SENP2: variants seen among roughly 807,000 people sequenced by gnomAD.
The protein encoded by SENP2 is SUMO specific peptidase 2.
A neutral mutation model predicts 86.3 loss-of-function variants in SENP2; 16 were observed. The ratio of observed to expected loss-of-function variants is 0.19; its 90% CI spans 0.13 to 0.28. The LOEUF is 0.28. Ranked by LOEUF, SENP2 falls within the 10% of genes least tolerant of loss-of-function variation. The pLI, the probability that SENP2 is intolerant of heterozygous loss-of-function variation, is 1.00. For synonymous variants in SENP2, 222 were observed against 238.7 expected, an observed-to-expected ratio of 0.93 and a Z score of 0.64; for missense variants, 552 against 703.0, an observed-to-expected ratio of 0.79 and a Z score of 2.43.
At position 185,614,611 on chromosome 3, in the gene SENP2, C is replaced by T. The variant is rs1452440750; in HGVS notation, c.981C>T (p.Ala327=). The part of the protein sequence containing the change: ...LEPDLSEEVS[A]RLRLGSGSNG... ...CTGACCTATCAGAAGAAGTGTCGGC[C>T]CGACTCCGCCTGGGCAGTGGAAGCA... Residue 327 remains alanine (A), a synonymous_variant, in exon 11 of 17, where the codon GCC becomes GCT. Transcript: ENST00000296257. The T allele has an allele frequency of 6.2e-7, 1 of 1,614,136 alleles. No individual in the cohort carries two copies.
rs1399608226 is a variant in SENP2, at chr3:185,614,692, A to G, written c.1062A>G (p.Ser354=). Residue 354 remains serine, a synonymous_variant, in exon 11 of 17, where the codon TCA becomes TCG. Transcript: ENST00000296257. Reference sequence around the variant, plus strand: ...TTGAGACAAAGGAAAAGAATTGCTCAGGCAAAGAGAGGGACAGAAGAACGG... The same window carrying G: ...TTGAGACAAAGGAAAAGAATTGCTCGGGCAAAGAGAGGGACAGAAGAACGG... The part of the protein sequence containing the change: ...SIIETKEKNC[S]GKERDRRTDD... The G allele has an allele frequency of 1.9e-6, 3 of 1,614,246 alleles. No individual in the cohort carries two copies. Among genetic ancestry groups the G allele is most frequent in the Non-Finnish European group, 8.5e-7 (1 of 1,180,038 alleles).
chr3:185,595,261 T>G (rs1324241335), intron 2 of SENP2, among the ~76,000 whole-genome samples: 2 of 152,218 alleles, frequency 1.3e-5, no homozygotes, highest in Non-Finnish European at 2.9e-5. Flanking sequence ...ACCAAGAGGC[T>G]TCTTGTCCTC....
intron 4 of SENP2, among the ~76,000 whole-genome samples, chr3:185,600,294 G>C (rs532999667): frequency 1.3e-5 from 2 of 152,200 alleles, no homozygotes; most frequent in East Asian, 3.9e-4. Context: ...GAGAAGCCCA[G>C]GTATTCCTAG....
At chr3:185,612,492 A>G in intron 8 of SENP2, 115 bp from the exon 9 acceptor site, 1 of 702,486 alleles carries the variant, frequency 1.4e-6, no homozygotes, top group Non-Finnish European at 2.4e-6. Context: ...AATTCACTGT[A>G]GCATTTCAAT....
In SENP2 at chr3:185,630,057, A is replaced by G. The variant is rs545844698; in HGVS notation, c.*213A>G. The G allele has an allele frequency of 1.8e-6, 1 of 552,846 alleles. No individual in the cohort carries two copies. Among genetic ancestry groups the G allele is most frequent in the African/African-American group, 1.9e-5 (1 of 53,250 alleles). The allele number at this position is 552,846 out of a possible 1,614,324, so 34.2% of individuals were successfully genotyped here. A position where few individuals can be genotyped will look rare whatever the true frequency, so the allele number is the denominator to read the frequency against. On this transcript the variant is annotated 3_prime_UTR_variant, in exon 17 of 17. Coordinates refer to ENST00000296257, the MANE Select transcript of SENP2 (RefSeq NM_021627.3). The stretch of plus-strand genomic sequence containing the variant: ...CCTGTTTGTAAGGCTGTGCCTGCTC[A>G]GAGCTTTGGACTGTTCAACCCACAC...
intron 15 of SENP2, among the ~76,000 whole-genome samples, chr3:185,625,193 G>C (rs1298583552): frequency 2.6e-5 from 4 of 151,536 alleles, no homozygotes; most frequent in Admixed American, 6.6e-5. Context: ...CTCACTGCAA[G>C]CTCCGCCTCC....
At chr3:185,591,189 GCCA>G (rs925682442) in intron 2 of SENP2, among the ~76,000 whole-genome samples, 12 of 151,494 alleles carry the variant, frequency 7.9e-5, no homozygotes, top group African/African-American at 2.9e-4. Flanking sequence ...ACAGGCGTGA[GCCA>G]CCGCACCCAA....
chr3:185,610,774 G>A (rs543185110), intron 7 of SENP2, among the ~76,000 whole-genome samples: 1 of 150,572 alleles, frequency 6.6e-6, no homozygotes, highest in South Asian at 2.1e-4. Context: ...TGGCTAACAC[G>A]GTGAAACCCC....
chr3:185,621,466 T>A lies in SENP2; in HGVS notation c.1447-360T>A, dbSNP rs1291395779. Among the ~76,000 whole-genome samples the A allele has an allele frequency of 2.2e-5, 3 of 138,946 alleles. No individual in the cohort carries two copies. The Admixed American group carries it at 2.4e-4, about 11-fold the overall frequency. The allele number at this position is 138,946 out of a possible 152,430, so 91.2% of individuals were successfully genotyped here. ...GTGCAGTGACACAATCTCGGCTCAC[T>A]GCAACCTCTGCCTCCCGGGTTCAAG... is the stretch of plus-strand genomic sequence containing the variant. On this transcript the variant is annotated intron_variant, in intron 13 of 16. Coordinates refer to ENST00000296257, the MANE Select transcript of SENP2 (RefSeq NM_021627.3).
rs894270820 is a variant in SENP2, at chr3:185,612,482, A to C, written c.818-125A>C. 14 of 660,726 alleles carry C rather than the reference A, an allele frequency of 2.1e-5. No individual in the cohort carries two copies. In the African/African-American group the frequency reaches 2.6e-4, roughly 12 times the overall value. The allele number at this position is 660,726 out of a possible 1,614,324, so 40.9% of individuals were successfully genotyped here. On this transcript the variant is annotated intron_variant, in intron 8 of 16. Coordinates refer to ENST00000296257, the MANE Select transcript of SENP2 (RefSeq NM_021627.3). ...TATATAGGGAGGCTAGTGTCTTTGG[A>C]ATTCACTGTAGCATTTCAATGTAGA... is the stretch of plus-strand genomic sequence containing the variant.
At chr3:185,609,444 G>A in intron 7 of SENP2, 94 bp downstream of exon 7, 1 of 861,292 alleles carries the variant, frequency 1.2e-6, no homozygotes, top group Non-Finnish European at 1.9e-6. Flanking sequence ...ACTGAAAGAA[G>A]AGGTTAACCC....
chr3:185,619,841 C>T (rs1259902012), intron 13 of SENP2, among the ~76,000 whole-genome samples: 2 of 152,018 alleles, frequency 1.3e-5, no homozygotes, highest in Non-Finnish European at 2.9e-5. Flanking sequence ...GATCCTCCTG[C>T]CTCAGCCTCC....
rs1293533833 is a variant in SENP2 at position 185,586,482 on chromosome 3, C to T, written c.69C>T (p.Ala23=). 1 of 1,613,834 alleles carries T rather than the reference C, an allele frequency of 6.2e-7. No individual in the cohort carries two copies. The highest frequency in any genetic ancestry group is 8.5e-7 in the Non-Finnish European group (1 of 1,179,998). ...FRFCDRSVPP[A]RALLKRRRSD... ...TCTGCGACCGGTCGGTGCCCCCTGC[C>T]CGGGCCCTCCTGAAGAGGCGGCGCT... Residue 23 remains alanine (A), a synonymous_variant, in exon 1 of 17, where the codon GCC becomes GCT. Transcript: ENST00000296257. This position sits in a 1 kb window ranked among gnomAD's most constrained non-coding sequence, Gnocchi z 4.3.
chr3:185,625,554 A>C (rs1369112813), intron 15 of SENP2, among the ~76,000 whole-genome samples: 2 of 152,140 alleles, frequency 1.3e-5, no homozygotes, highest in Non-Finnish European at 2.9e-5. Flanking sequence ...AGATTAGGGC[A>C]ACACAGGCCT....
In SENP2 at chr3:185,590,110, T is replaced by C; in HGVS notation, c.102-4T>C. The C allele has an allele frequency of 2.0e-6, 3 of 1,499,868 alleles. No individual in the cohort carries two copies. Among genetic ancestry groups the C allele is most frequent in the Non-Finnish European group, 2.7e-6 (3 of 1,114,880 alleles). 92.9% of individuals were successfully genotyped at this position (1,499,868 alleles called of 1,614,324 possible). Reference sequence around the variant, plus strand: ...ATATATATTTTTTTCTTTCTCTTTTTCAGCACTCTGTTTTCTACAGTGGAC... The same window carrying C: ...ATATATATTTTTTTCTTTCTCTTTTCCAGCACTCTGTTTTCTACAGTGGAC... On this transcript the variant is annotated splice_region_variant and splice_polypyrimidine_tract_variant and intron_variant, in intron 1 of 16. Coordinates refer to ENST00000296257, the MANE Select transcript of SENP2 (RefSeq NM_021627.3).
intron 7 of SENP2, 72 bp downstream of exon 7, chr3:185,609,422 G>A (rs1722614609): frequency 9.1e-7 from 1 of 1,093,076 alleles, no homozygotes; most frequent in African/African-American, 1.6e-5. Flanking sequence ...AAGTATTGGT[G>A]GGAAGGGCTT....
chr3:185,622,122 G>C (rs1321131921), intron 14 of SENP2, among the ~76,000 whole-genome samples: 1 of 152,190 alleles, frequency 6.6e-6, no homozygotes, highest in East Asian at 1.9e-4. Context: ...ATGTAAAATA[G>C]ATCTTATTAG....
At position 185,586,356 on chromosome 3, in the gene SENP2, A is replaced by G. The variant is rs941442540; in HGVS notation, c.-58A>G. 1 of 1,596,628 alleles carries G rather than the reference A, an allele frequency of 6.3e-7. No individual in the cohort carries two copies. The highest frequency in any genetic ancestry group is 8.5e-7 in the Non-Finnish European group (1 of 1,171,212). Reference sequence around the variant, plus strand: ...GACGGCGAAGGCGGCAGCGGCGGCGACAGCTCTGGGGTTTGCGTCTCGGGG... The same window carrying G: ...GACGGCGAAGGCGGCAGCGGCGGCGGCAGCTCTGGGGTTTGCGTCTCGGGG... On this transcript the variant is annotated 5_prime_UTR_variant, in exon 1 of 17. Transcript: ENST00000296257. This position sits in a 1 kb window ranked among gnomAD's most constrained non-coding sequence, Gnocchi z 4.3.
In SENP2 at chr3:185,607,256, A is replaced by G. The variant is rs144714555; in HGVS notation, c.618+758A>G. Among the ~76,000 whole-genome samples, 402 of 146,672 alleles carry G rather than the reference A, an allele frequency of 2.7e-3. 2 individuals are homozygous for G. The highest frequency in any genetic ancestry group is 9.6e-3 in the African/African-American group (383 of 40,094). On this transcript the variant is annotated intron_variant, in intron 6 of 16. Transcript: ENST00000296257. ...TACATATAATTTAGTCAATTTTTAG[A>G]TGTGGTTATTTTTATTATAAGGAAG...
Sources: allele counts gnomAD v4.1 joint callset (sites outside exome capture counted in the v4.1 genomes callset), GRCh38; gene constraint gnomAD v4.1.1; non-coding constraint Gnocchi (gnomAD v3.1); transcripts MANE v1.5; gene names NCBI Gene and HGNC (gene_info 2026-07-23, HGNC 2026-07-21).